Variants in PTN observed in about 807,000 individuals in gnomAD.
PTN encodes the protein pleiotrophin.
A neutral mutation model predicts 24.1 loss-of-function variants in PTN; 18 were observed. The ratio of observed to expected loss-of-function variants is 0.75; its 90% CI spans 0.52 to 1.11. PTN has a LOEUF of 1.11. Ranked by LOEUF, PTN falls within the 50% of genes least tolerant of loss-of-function variation. PTN has a pLI of 0.00. For missense variants in PTN, 163 were observed against 198.8 expected, an observed-to-expected ratio of 0.82 and a Z score of 1.08; for synonymous variants, 78 against 68.6, an observed-to-expected ratio of 1.14 and a Z score of -0.67.
chr7:137,288,410 G>A (rs1027723939), intron 1 of PTN, among the ~76,000 whole-genome samples: 6 of 152,244 alleles, frequency 3.9e-5, no homozygotes, highest in East Asian at 3.9e-4. Context: ...CTCAGGAGAC[G>A]TGAAACACAC....
At chr7:137,246,003 A>G (rs1269020507) in intron 4 of PTN, among the ~76,000 whole-genome samples, 1 of 152,164 alleles carries the variant, frequency 6.6e-6, no homozygotes, top group Admixed American at 6.5e-5. Flanking sequence ...GGAGAAAGAA[A>G]AATATCTTCT....
At chr7:137,237,217 A>T (rs771858810) in intron 4 of PTN, among the ~76,000 whole-genome samples, 1 of 152,152 alleles carries the variant, frequency 6.6e-6, no homozygotes, top group African/African-American at 2.4e-5. Context: ...GTGCATTTAC[A>T]AGAAGAGGAA....
intron 1 of PTN, among the ~76,000 whole-genome samples, chr7:137,336,884 G>A (rs1044136198): frequency 6.6e-6 from 1 of 152,148 alleles, no homozygotes; most frequent in African/African-American, 2.4e-5. Context: ...CGTCAATCCT[G>A]GAAGGTAGGT....
rs1006096197 is a variant in PTN at position 137,254,926 on chromosome 7, G to C, written c.48C>G (p.Ala16=). 2 of 1,580,712 alleles carry C rather than the reference G, an allele frequency of 1.3e-6. No homozygotes were observed. Among genetic ancestry groups the C allele is most frequent in the Non-Finnish European group, 1.7e-6 (2 of 1,155,444 alleles). ...CCAGTATGAAAATGAATGCCAAGAA[G>C]GCAGCTGCAAATTTTCGACGCTGCT... is the stretch of plus-strand genomic sequence containing the variant. ...YQQQRRKFAA[A]FLAFIFILAA... Residue 16 remains alanine, a synonymous_variant, in exon 2 of 5, where the codon GCC becomes GCG. Transcript: ENST00000348225.
intron 4 of PTN, among the ~76,000 whole-genome samples, chr7:137,238,288 C>A (rs758282299): frequency 1.3e-5 from 2 of 152,148 alleles, no homozygotes. Context: ...GGAGGGAAGA[C>A]AATCATGAAT....
At chr7:137,331,820 A>G (rs1810364251) in intron 1 of PTN, among the ~76,000 whole-genome samples, 1 of 152,196 alleles carries the variant, frequency 6.6e-6, no homozygotes, top group South Asian at 2.1e-4. Flanking sequence ...AGGGCAAGAA[A>G]GAAAGACCTT....
intron 4 of PTN, among the ~76,000 whole-genome samples, chr7:137,247,779 AC>A (rs1808749465): frequency 6.6e-6 from 1 of 152,160 alleles, no homozygotes; most frequent in Non-Finnish European, 1.5e-5. Context: ...AAATATATAC[AC>A]CTACCACATA....
At chr7:137,282,414 A>G (rs1478320842) in intron 1 of PTN, among the ~76,000 whole-genome samples, 1 of 152,216 alleles carries the variant, frequency 6.6e-6, no homozygotes, top group Non-Finnish European at 1.5e-5. Flanking sequence ...TTTTAAATAG[A>G]TGACTGATAC....
At chr7:137,323,208 A>G (rs2128881540) in intron 1 of PTN, among the ~76,000 whole-genome samples, 1 of 152,352 alleles carries the variant, frequency 6.6e-6, no homozygotes, top group South Asian at 2.1e-4. Context: ...CTGTGCCTAA[A>G]GTGAATAACA....
chr7:137,283,045 G>C (rs1483395102), intron 1 of PTN, among the ~76,000 whole-genome samples: 1 of 152,096 alleles, frequency 6.6e-6, no homozygotes, highest in African/African-American at 2.4e-5. Context: ...ATATCAAAGA[G>C]CCTGAAGGCT....
chr7:137,280,853 C>T (rs531396050), intron 1 of PTN, among the ~76,000 whole-genome samples: 1 of 131,530 alleles, frequency 7.6e-6, no homozygotes, highest in South Asian at 2.4e-4. Context: ...GCCTGGGCAA[C>T]AGAGCAAGAC....
chr7:137,325,133 C>G (rs1285711068), intron 1 of PTN, among the ~76,000 whole-genome samples: 1 of 152,146 alleles, frequency 6.6e-6, no homozygotes, highest in Non-Finnish European at 1.5e-5. Context: ...CTGACTAAAT[C>G]TGAATCTGGA....
At chr7:137,290,884 A>G (rs1161993166) in intron 1 of PTN, among the ~76,000 whole-genome samples, 1 of 152,198 alleles carries the variant, frequency 6.6e-6, no homozygotes, top group Non-Finnish European at 1.5e-5. Context: ...TTTACTTGAA[A>G]TAAGTGTTTT....
intron 4 of PTN, among the ~76,000 whole-genome samples, chr7:137,232,127 C>G (rs1448266217): frequency 6.6e-6 from 1 of 151,872 alleles, no homozygotes; most frequent in Non-Finnish European, 1.5e-5. Context: ...ACACATACAC[C>G]ACACATCAAA....
rs1465434879 is a variant in PTN, at chr7:137,227,874, C to T, written c.*146G>A. On this transcript the variant is annotated 3_prime_UTR_variant, in exon 5 of 5. Transcript: ENST00000348225. ...AGTATACATTTAAAAAACGCTACTA[C>T]AAAAATTTTCTTTTCTTTTTGTTTT... is the stretch of plus-strand genomic sequence containing the variant. 2 of 1,120,474 alleles carry T rather than the reference C, an allele frequency of 1.8e-6. No individual in the cohort carries two copies. The highest frequency in any genetic ancestry group is 2.4e-6 in the Non-Finnish European group (2 of 819,810). 69.4% of individuals were successfully genotyped at this position (1,120,474 alleles called of 1,614,324 possible).
chr7:137,232,244 C>A (rs1808439541), intron 4 of PTN, among the ~76,000 whole-genome samples: 1 of 151,968 alleles, frequency 6.6e-6, no homozygotes, highest in Non-Finnish European at 1.5e-5. Flanking sequence ...AAGTAAAGGG[C>A]ACCTGCCTGA....
chr7:137,263,037 T>C, intron 1 of PTN, among the ~76,000 whole-genome samples: 1 of 152,166 alleles, frequency 6.6e-6, no homozygotes, highest in East Asian at 1.9e-4. Flanking sequence ...TTAGTTGGAG[T>C]TCTCACTCTT....
chr7:137,244,593 A>G (rs1808691950), intron 4 of PTN, among the ~76,000 whole-genome samples: 1 of 144,144 alleles, frequency 6.9e-6, no homozygotes, highest in Non-Finnish European at 1.5e-5. Context: ...AAGTGTTCTC[A>G]TTGTTCAATT....
intron 1 of PTN, among the ~76,000 whole-genome samples, chr7:137,295,799 G>A (rs1279631319): frequency 6.6e-6 from 1 of 151,674 alleles, no homozygotes; most frequent in Non-Finnish European, 1.5e-5. Flanking sequence ...TACTTCACCA[G>A]TGCCAATAAG....
Sources: allele counts gnomAD v4.1 joint callset (sites outside exome capture counted in the v4.1 genomes callset), GRCh38; gene constraint gnomAD v4.1.1; transcripts MANE v1.5; gene names NCBI Gene and HGNC (gene_info 2026-07-23, HGNC 2026-07-21).